The following MAGI2 variants were observed in gnomAD, a reference collection of about 807,000 sequenced individuals.
MAGI2 encodes the protein membrane-associated guanylate kinase, WW and PDZ domain-containing protein 2.
MAGI2 carries 35 observed loss-of-function variants against 133.3 expected under a neutral mutation model. The observed-to-expected ratio is 0.26, with a 90% CI of 0.20 to 0.35. The LOEUF is 0.35. MAGI2 is among the 10% of genes least tolerant of loss of function. MAGI2 has a pLI of 1.00. For synonymous variants in MAGI2, 729 were observed against 710.6 expected, an observed-to-expected ratio of 1.03 and a Z score of -0.41; for missense variants, 1,636 against 1,863.4, an observed-to-expected ratio of 0.88 and a Z score of 2.25.
intron 1 of MAGI2, among the ~76,000 whole-genome samples, chr7:79,238,720 A>G (rs1211674025): frequency 6.6e-6 from 1 of 152,206 alleles, no homozygotes; most frequent in Non-Finnish European, 1.5e-5. Flanking sequence ...TGCTTTGGAT[A>G]AGAACTTTGA....
chr7:78,082,108 T>G (rs939218677), intron 20 of MAGI2, among the ~76,000 whole-genome samples: 1 of 152,222 alleles, frequency 6.6e-6, no homozygotes, highest in African/African-American at 2.4e-5. Flanking sequence ...GACTGACATT[T>G]TAACCAAAAA....
At chr7:79,423,371 T>C (rs1430694456) in intron 1 of MAGI2, among the ~76,000 whole-genome samples, 1 of 90,752 alleles carries the variant, frequency 1.1e-5, no homozygotes, top group Non-Finnish European at 2.0e-5. Context: ...AATCATCTGA[T>C]TTCAAAGTTC....
chr7:78,987,829 T>G (rs1805403004), intron 2 of MAGI2, among the ~76,000 whole-genome samples: 1 of 151,848 alleles, frequency 6.6e-6, no homozygotes, highest in Non-Finnish European at 1.5e-5. Context: ...ATTTTACGTT[T>G]TTATACACAC....
chr7:78,312,930 T>C (rs1036497008), intron 9 of MAGI2, among the ~76,000 whole-genome samples: 3 of 150,610 alleles, frequency 2.0e-5, no homozygotes, highest in African/African-American at 7.3e-5. Context: ...CATATATATA[T>C]ATATTTTATA....
chr7:78,557,097 A>AAAAAAAAAAAAAAAAAAAAAAG (rs1554473311), intron 3 of MAGI2, among the ~76,000 whole-genome samples: 4 of 138,954 alleles, frequency 2.9e-5, no homozygotes, highest in African/African-American at 8.9e-5. Flanking sequence ...AAAAAAAAAA[A>AAAAAAAAAAAAAAAAAAAAAAG]AAAGAAAAAG....
intron 2 of MAGI2, among the ~76,000 whole-genome samples, chr7:78,744,669 T>G (rs144028544): frequency 1.3e-5 from 2 of 152,324 alleles, no homozygotes; most frequent in Non-Finnish European, 2.9e-5. Context: ...TTGTGCTTAA[T>G]AGGTAAATTT....
chr7:78,022,989 CAA>C (rs1177298080), intron 21 of MAGI2, among the ~76,000 whole-genome samples: 1 of 152,182 alleles, frequency 6.6e-6, no homozygotes, highest in African/African-American at 2.4e-5. Flanking sequence ...TACTATATCA[CAA>C]AGTGATTTAA....
intron 2 of MAGI2, among the ~76,000 whole-genome samples, chr7:78,934,650 A>G (rs1476855112): frequency 1.3e-5 from 2 of 152,154 alleles, no homozygotes; most frequent in Admixed American, 6.6e-5. Context: ...CAGGATGTAT[A>G]TAAGGTATAT....
intron 2 of MAGI2, among the ~76,000 whole-genome samples, chr7:78,687,997 AAAAAG>A (rs2151113508): frequency 1.4e-5 from 2 of 144,432 alleles, no homozygotes; most frequent in East Asian, 2.0e-4. Flanking sequence ...AAAAAAAAAA[AAAAAG>A]AAAAAAGAAA....
chr7:78,059,777 A>ATATATTTTTT (rs368179491), intron 21 of MAGI2, among the ~76,000 whole-genome samples: 42 of 146,138 alleles, frequency 2.9e-4, no homozygotes, highest in East Asian at 1.2e-3. Flanking sequence ...ATATATATAT[A>ATATATTTTTT]TTTTTTTTCT....
Position 78,218,956 on chromosome 7 carries a change from G to C in MAGI2, c.2048-17763C>G, listed in dbSNP as rs1016245675. On this transcript the variant is annotated intron_variant, in intron 10 of 21. Coordinates refer to ENST00000354212, the MANE Select transcript of MAGI2 (RefSeq NM_012301.4). Reference sequence around the variant, plus strand: ...ATAGCCGACATTTTGTGCCTCTTCTGTCCTCGTCTACCTCCCACGTGAAGG... The same window carrying C: ...ATAGCCGACATTTTGTGCCTCTTCTCTCCTCGTCTACCTCCCACGTGAAGG... 5.9e-5 allele frequency among the ~76,000 whole-genome samples: 9 copies of C among 152,128 alleles called. 1 individual carries two copies. Among genetic ancestry groups the C allele is most frequent in the Admixed American group, 5.9e-4 (9 of 15,266 alleles).
At chr7:79,164,870 G>T (rs1680332276) in intron 1 of MAGI2, among the ~76,000 whole-genome samples, 1 of 151,998 alleles carries the variant, frequency 6.6e-6, no homozygotes, top group South Asian at 2.1e-4. Context: ...CACAGCCCAT[G>T]GTCACTCATA....
chr7:79,443,432 G>C lies in MAGI2; in HGVS notation c.301+9588C>G, dbSNP rs146885101. ...CTTAAAAAAACAAAACAAAACAAAAGAAAAACTTCACAAAAAGCAACATTG... is the reference window on the plus strand; with the variant it reads ...CTTAAAAAAACAAAACAAAACAAAACAAAAACTTCACAAAAAGCAACATTG... On this transcript the variant is annotated intron_variant, in intron 1 of 21. Transcript: ENST00000354212. Among the ~76,000 whole-genome samples, 159 of 151,788 alleles carry C rather than the reference G, an allele frequency of 1.0e-3. 2 individuals carry two copies. The South Asian group carries it at 0.022, about 21-fold the overall frequency.
intron 1 of MAGI2, among the ~76,000 whole-genome samples, chr7:79,274,751 G>A (rs1361661898): frequency 1.3e-5 from 2 of 152,120 alleles, no homozygotes; most frequent in Non-Finnish European, 2.9e-5. Context: ...TGCCAGGCAA[G>A]TCTATCAGTG....
chr7:79,306,978 T>C (rs1486132730), intron 1 of MAGI2, among the ~76,000 whole-genome samples: 1 of 152,138 alleles, frequency 6.6e-6, no homozygotes, highest in African/African-American at 2.4e-5. Context: ...CACACCCGGC[T>C]AATTTCTTTT....
chr7:78,512,608 G>C (rs1474366746), intron 4 of MAGI2, among the ~76,000 whole-genome samples: 1 of 152,134 alleles, frequency 6.6e-6, no homozygotes, highest in Non-Finnish European at 1.5e-5. Context: ...GTTTTGCCAT[G>C]TTGGCCAGGC....
chr7:78,981,357 T>G (rs1804769158), intron 2 of MAGI2, among the ~76,000 whole-genome samples: 1 of 151,666 alleles, frequency 6.6e-6, no homozygotes, highest in African/African-American at 2.4e-5. Context: ...TTCTGAATGA[T>G]TTCAGCAGAC....
chr7:78,414,218 GA>G (rs1798101211), intron 6 of MAGI2, among the ~76,000 whole-genome samples: 1 of 151,964 alleles, frequency 6.6e-6, no homozygotes, highest in Non-Finnish European at 1.5e-5. Context: ...AGGTTAGATT[GA>G]ATATGATAAA....
rs374385399 is a variant in MAGI2, at chr7:79,015,975, G to A, written c.302-8769C>T. 2.1e-4 allele frequency among the ~76,000 whole-genome samples: 28 copies of A among 131,070 alleles called. No homozygotes were observed. In the South Asian group the frequency reaches 7.2e-3, roughly 34 times the overall value. 86.0% of individuals were successfully genotyped at this position (131,070 alleles called of 152,430 possible). A position where few individuals can be genotyped will look rare whatever the true frequency, so the allele number is the denominator to read the frequency against. ...AACCCTGCAAAGGGAGTTATTTCTA[G>A]CCCTCAATGACTCCTGGAGAAGCGG... is the stretch of plus-strand genomic sequence containing the variant. On this transcript the variant is annotated intron_variant, in intron 1 of 21. Coordinates refer to ENST00000354212, the MANE Select transcript of MAGI2 (RefSeq NM_012301.4).
Sources: gnomAD v4.1 joint callset for allele counts (sites outside exome capture counted in the v4.1 genomes callset) on GRCh38, gnomAD v4.1.1 for gene constraint, MANE v1.5 for transcripts, NCBI Gene and HGNC (gene_info 2026-07-23, HGNC 2026-07-21) for gene names.